Variants in ZNF302 observed in about 807,000 individuals in gnomAD.
ZNF302 encodes zinc finger protein 302, also known as zinc finger protein 327.
A neutral mutation model predicts 10.8 loss-of-function variants in ZNF302; 12 were observed. The observed-to-expected ratio is 1.11, with a 90% CI of 0.71 to 1.79. The LOEUF (loss-of-function observed/expected upper bound fraction) is 1.79, where lower values mean the gene tolerates loss of function less well. Ranked by LOEUF, ZNF302 falls within the 40% of genes most tolerant of loss-of-function variation. ZNF302 has a pLI of 0.00. For missense variants in ZNF302, 461 were observed against 471.1 expected (o/e 0.98, Z 0.20); for synonymous variants, 178 against 157.5 (o/e 1.13, Z -0.98).
intron 4 of ZNF302, chr19:34,683,982 T>G (rs750099309): frequency 2.1e-6 from 3 of 1,414,860 alleles, no homozygotes; most frequent in East Asian, 5.2e-5. Context: ...ATTTTATCCA[T>G]TTCGTACAGC....
At chr19:34,683,976 T>C in intron 4 of ZNF302, 2 of 1,383,252 alleles carry the variant, frequency 1.4e-6, no homozygotes, top group East Asian at 2.6e-5. Context: ...CATACTATTT[T>C]ATCCATTTCG....
intron 4 of ZNF302, 79 bp downstream of exon 4, chr19:34,683,317 T>C (rs1600104557): frequency 1.3e-6 from 2 of 1,522,796 alleles, no homozygotes; most frequent in South Asian, 1.2e-5. Flanking sequence ...GTGGAAGCAT[T>C]TTAGGGATAC....
Position 34,686,047 on chromosome 19 carries a change from A to C in ZNF302, c.*810A>C, listed in dbSNP as rs889432225. 6.5e-6 allele frequency: 1 copy of C among 154,308 alleles called. No individual in the cohort carries two copies. The highest frequency in any genetic ancestry group is 2.4e-5 in the African/African-American group (1 of 41,468). 9.6% of individuals were successfully genotyped at this position (154,308 alleles called of 1,614,324 possible). ...ACTGGAGACAAATCTCATTTAAGAG[A>C]TGCAGCAAAGTGTTCACTAAGAGTG... On this transcript the variant is annotated 3_prime_UTR_variant, in exon 5 of 5. Coordinates refer to ENST00000505242, the MANE Select transcript of ZNF302 (RefSeq NM_001289187.2).
rs144128816 is a variant in ZNF302, at chr19:34,683,481, T to C, written c.214+243T>C. Among the ~76,000 whole-genome samples, 148 of 152,340 alleles carry C rather than the reference T, an allele frequency of 9.7e-4. No individual in the cohort carries two copies. In the East Asian group the frequency reaches 0.022, roughly 23 times the overall value. ...TTGCCATCATAATAATTCAAATTGT[T>C]ACTATATTCATGACAAAGTAAGACA... On this transcript the variant is annotated intron_variant, in intron 4 of 4. Coordinates refer to ENST00000505242, the MANE Select transcript of ZNF302 (RefSeq NM_001289187.2).
chr19:34,676,427 C>T (rs1370310304), upstream of ZNF302: 3 of 152,182 alleles, frequency 2.0e-5, no homozygotes, highest in East Asian at 1.9e-4. Flanking sequence ...CCCTCAGCTC[C>T]GAGAAATTGA....
chr19:34,681,042 G>A (rs1283899322), intron 2 of ZNF302, among the ~76,000 whole-genome samples: 1 of 151,972 alleles, frequency 6.6e-6, no homozygotes, highest in Non-Finnish European at 1.5e-5. Flanking sequence ...AAGGCGATTC[G>A]AATTTTAATT....
In ZNF302 at chr19:34,685,142, TATGA is replaced by T. The variant is rs1568466194; in HGVS notation, c.1109_1112del (p.Glu370AlafsTer42). ...AAGAATTCACAGTATGAAGAAAAAA[TATGA>T]ATGCAACAAATGTCTCAAGGTCTTT... On this transcript the variant is annotated frameshift_variant, in exon 5 of 5. Coordinates refer to ENST00000505242, the MANE Select transcript of ZNF302 (RefSeq NM_001289187.2). LOFTEE classifies it low-confidence loss of function (END_TRUNC). 6.2e-7 allele frequency: 1 copy of T among 1,611,108 alleles called. No individual in the cohort carries two copies. The highest frequency in any genetic ancestry group is 8.5e-7 in the Non-Finnish European group (1 of 1,179,084).
intron 2 of ZNF302, among the ~76,000 whole-genome samples, chr19:34,680,430 G>T (rs1463131087): frequency 1.3e-5 from 2 of 151,914 alleles, no homozygotes; most frequent in African/African-American, 4.8e-5. Context: ...CTTGAACTGT[G>T]GCTTAAGCAA....
intron 2 of ZNF302, chr19:34,679,878 T>G (rs1393868544): frequency 2.8e-6 from 2 of 702,990 alleles, no homozygotes; most frequent in East Asian, 5.4e-5. Flanking sequence ...TAGTAAGTAA[T>G]TGTGGAGTGA....
chr19:34,677,555 G>C (rs2145223958), upstream of ZNF302: 1 of 152,334 alleles, frequency 6.6e-6, no homozygotes, highest in East Asian at 1.9e-4. Flanking sequence ...CACCAGGTCC[G>C]CGCAGCCGCA....
rs778651525 is a variant in ZNF302 at position 34,684,672 on chromosome 19, A to C, written c.635A>C (p.Lys212Thr). The C allele has an allele frequency of 2.5e-6, 4 of 1,614,074 alleles. No homozygotes were observed. The highest frequency in any genetic ancestry group is 3.4e-6 in the Non-Finnish European group (4 of 1,179,926). Residue 212 changes from lysine to threonine, a missense_variant, in exon 5 of 5, where the codon AAA becomes ACA. Physicochemically the swap from Lys to Thr is moderately conservative, Grantham distance 78 (BLOSUM62 -1). Transcript: ENST00000505242. ...AGTGAATGTGGGAAAGCCTTTGGCAAACAGTCAATCCTCAGTCGCCACTGG... is the reference window on the plus strand; with the variant it reads ...AGTGAATGTGGGAAAGCCTTTGGCACACAGTCAATCCTCAGTCGCCACTGG... ...TCSECGKAFG[K>T]QSILSRHWRI...
In ZNF302 at chr19:34,684,429, A is replaced by G; in HGVS notation, c.392A>G (p.Lys131Arg). The G allele has an allele frequency of 6.2e-7, 1 of 1,613,136 alleles. No individual in the cohort carries two copies. The highest frequency in any genetic ancestry group is 8.5e-7 in the Non-Finnish European group (1 of 1,179,388). ...ACATTTAGAAGCACCTTTCATTCAA[A>G]GTCTACTCTTTCTGAACCACAAAAC... is the stretch of plus-strand genomic sequence containing the variant. The part of the protein sequence containing the change: ...CDTFRSTFHS[K>R]STLSEPQNNS... Residue 131 changes from lysine to arginine, a missense_variant, in exon 5 of 5, where the codon AAG (lysine) becomes AGG (arginine). Lys to Arg is a conservative substitution (Grantham distance 26, BLOSUM62 2). Coordinates refer to ENST00000505242, the MANE Select transcript of ZNF302 (RefSeq NM_001289187.2).
chr19:34,684,201 A>C, intron 4 of ZNF302, 51 bp from the exon 5 acceptor site: 1 of 1,182,712 alleles, frequency 8.5e-7, no homozygotes, highest in Admixed American at 3.2e-5. Context: ...AAAAAAAAAA[A>C]AAAAAAAAAA....
Position 34,685,477 on chromosome 19 carries a change from A to G in ZNF302, c.*240A>G, listed in dbSNP as rs147098321. 66,078 of 1,588,392 alleles carry G rather than the reference A, an allele frequency of 0.042. 1,586 individuals are homozygous for G. Among genetic ancestry groups the G allele is most frequent in the Non-Finnish European group, 0.049 (56,245 of 1,157,306 alleles). On this transcript the variant is annotated 3_prime_UTR_variant, in exon 5 of 5. Transcript: ENST00000505242. The stretch of plus-strand genomic sequence containing the variant: ...AGAGAATTCATACTGGAGAAAAGCC[A>G]TATAAATGTAGTGAGTGTGGGAAAG...
At position 34,685,436 on chromosome 19, in the gene ZNF302, A is replaced by C. The variant is rs1397159848; in HGVS notation, c.*199A>C. The C allele has an allele frequency of 3.7e-6, 6 of 1,601,040 alleles. No individual in the cohort carries two copies. Among genetic ancestry groups the C allele is most frequent in the African/African-American group, 1.3e-5 (1 of 74,618 alleles). On this transcript the variant is annotated 3_prime_UTR_variant, in exon 5 of 5. Transcript: ENST00000505242. The stretch of plus-strand genomic sequence containing the variant: ...TGGGAAGACCTTCAGCTGTAGTTCA[A>C]ACCTTACTGTACATCAGAGAATTCA...
chr19:34,680,804 A>G (rs1298683325), intron 2 of ZNF302, among the ~76,000 whole-genome samples: 1 of 152,260 alleles, frequency 6.6e-6, no homozygotes, highest in Non-Finnish European at 1.5e-5. Context: ...AATTTTGTGT[A>G]GCAAATTGAA....
At chr19:34,679,750 G>A (rs2068238888) in intron 2 of ZNF302, 2 of 643,622 alleles carry the variant, frequency 3.1e-6, no homozygotes, top group South Asian at 3.6e-5. Flanking sequence ...CTGATGTACT[G>A]TATGTTCAGT....
At chr19:34,677,105 G>A (rs193012513), upstream of ZNF302, 63 of 150,586 alleles carry the variant, frequency 4.2e-4, no homozygotes, top group African/African-American at 1.4e-3. Flanking sequence ...AACTACAGTC[G>A]TGACAGTCGG....
chr19:34,684,451 A>C lies in ZNF302; in HGVS notation c.414A>C (p.Gln138His). Residue 138 changes from glutamine to histidine, a missense_variant, in exon 5 of 5, where the codon CAA becomes CAC. Gln to His is a conservative substitution (Grantham distance 24, BLOSUM62 0). Coordinates refer to ENST00000505242, the MANE Select transcript of ZNF302 (RefSeq NM_001289187.2). ...CAAAGTCTACTCTTTCTGAACCACA[A>C]AACAATTCTGCTGAAGGGAATTCAC... ...FHSKSTLSEP[Q>H]NNSAEGNSHK... 1.2e-6 allele frequency: 2 copies of C among 1,613,300 alleles called. No homozygotes were observed. The highest frequency in any genetic ancestry group is 1.7e-6 in the Non-Finnish European group (2 of 1,179,442).
Sources: allele counts gnomAD v4.1 joint callset (sites outside exome capture counted in the v4.1 genomes callset), GRCh38; gene constraint gnomAD v4.1.1; transcripts MANE v1.5; gene names NCBI Gene and HGNC (gene_info 2026-07-23, HGNC 2026-07-21).